LYN: variants seen among roughly 807,000 people sequenced by gnomAD.
LYN encodes tyrosine-protein kinase Lyn.
Under a neutral mutation model 65.0 loss-of-function variants are expected in LYN, and 12 were observed. The observed-to-expected ratio is 0.18, with a 90% CI of 0.12 to 0.30. The LOEUF is 0.30. LYN is among the 10% of genes least tolerant of loss of function. The pLI is 1.00. For missense variants in LYN, 380 were observed against 623.2 expected (o/e 0.61, Z 4.16); for synonymous variants, 222 against 221.2 (o/e 1.00, Z -0.03).
intron 1 of LYN, among the ~76,000 whole-genome samples, chr8:55,931,979 A>G (rs1372482008): frequency 6.6e-6 from 1 of 152,236 alleles, no homozygotes; most frequent in African/African-American, 2.4e-5. Context: ...AAGAAATTGT[A>G]AGTGACCAAA....
intron 1 of LYN, among the ~76,000 whole-genome samples, chr8:55,935,779 CA>C (rs59848254): frequency 0.077 from 7,270 of 93,822 alleles, 398 homozygotes; most frequent in African/African-American, 0.21. Flanking sequence ...AGACTCCATC[CA>C]AAAAAAAAAA....
chr8:55,984,590 G>A (rs1027630916), intron 10 of LYN, among the ~76,000 whole-genome samples: 4 of 152,196 alleles, frequency 2.6e-5, no homozygotes, highest in African/African-American at 9.7e-5. Context: ...CCTAAGTCCT[G>A]CACATGGTCA....
intron 2 of LYN, among the ~76,000 whole-genome samples, chr8:55,942,353 A>ATG (rs1168336552): frequency 7.2e-5 from 10 of 138,378 alleles, no homozygotes; most frequent in Non-Finnish European, 1.4e-4. Flanking sequence ...GTGTATATAT[A>ATG]TGTGTATATA....
Position 55,914,105 on chromosome 8 carries a change from T to C in LYN, c.-5-27750T>C, listed in dbSNP as rs561028987. ...GAGGTGGAGGGTTGTTGTTGGTGTG[T>C]GTGTGTGTGTGCACGTATGACAGAG... On this transcript the variant is annotated intron_variant, in intron 1 of 12. Transcript: ENST00000519728. Among the ~76,000 whole-genome samples, 13 of 152,060 alleles carry C rather than the reference T, an allele frequency of 8.5e-5. No homozygotes were observed. The East Asian group carries it at 2.5e-3, about 29-fold the overall frequency.
intron 3 of LYN, 74 bp from the exon 4 acceptor site, chr8:55,947,544 T>C: frequency 9.7e-7 from 1 of 1,033,422 alleles, no homozygotes; most frequent in Non-Finnish European, 1.5e-6. Context: ...CTCTCATCCT[T>C]TGTGCCCCAT....
At chr8:55,978,703 A>G (rs1807830405) in intron 10 of LYN, among the ~76,000 whole-genome samples, 1 of 152,172 alleles carries the variant, frequency 6.6e-6, no homozygotes, top group Non-Finnish European at 1.5e-5. Context: ...TGTAAGGAGG[A>G]GGTGGGGTTG....
rs1808071256 is a variant in LYN at position 55,986,267 on chromosome 8, GCAGC to G, written c.1051-12076_1051-12073del. ...TGGCATCCTAGTGACATTACAAATA[GCAGC>G]CATATCCCTTTACATTCCTGCCAGC... is the stretch of plus-strand genomic sequence containing the variant. On this transcript the variant is annotated intron_variant, in intron 10 of 12. Transcript: ENST00000519728. 2.0e-5 allele frequency among the ~76,000 whole-genome samples: 3 copies of G among 151,072 alleles called. No homozygotes were observed. The Admixed American group carries it at 2.0e-4, about 10-fold the overall frequency.
At chr8:55,911,609 CAT>C (rs1404415310) in intron 1 of LYN, among the ~76,000 whole-genome samples, 1 of 151,872 alleles carries the variant, frequency 6.6e-6, no homozygotes, top group African/African-American at 2.4e-5. Context: ...AGTATTTATA[CAT>C]ATGTGAAATT....
At chr8:55,959,304 T>C (rs929546080) in intron 8 of LYN, among the ~76,000 whole-genome samples, 19 of 152,374 alleles carry the variant, frequency 1.2e-4, no homozygotes, top group Admixed American at 2.6e-4. Flanking sequence ...GAAACGTATG[T>C]TCAAGTCCCT....
Position 55,969,810 on chromosome 8 carries a change from GC to G in LYN, c.1050+21del. 1 of 1,611,358 alleles carries G rather than the reference GC, an allele frequency of 6.2e-7. No homozygotes were observed. On this transcript the variant is annotated intron_variant, in intron 10 of 12. Coordinates refer to ENST00000519728, the MANE Select transcript of LYN (RefSeq NM_002350.4). ...TCTGCTCAGGTAACATATTCAAAAA[GC>G]CCCGTGTGCACGTGCATTTGCAAAG...
chr8:55,968,881 G>A (rs1807531799), intron 9 of LYN, among the ~76,000 whole-genome samples: 1 of 152,218 alleles, frequency 6.6e-6, no homozygotes, highest in Non-Finnish European at 1.5e-5. Context: ...GGGAAAAACA[G>A]GTCTTGCTTT....
intron 1 of LYN, among the ~76,000 whole-genome samples, chr8:55,916,166 T>A (rs1167569325): frequency 6.6e-6 from 1 of 152,112 alleles, no homozygotes; most frequent in Non-Finnish European, 1.5e-5. Context: ...TCAGAAAAAA[T>A]TTTTATTGAG....
At chr8:55,945,986 G>A (rs1348011064) in intron 2 of LYN, among the ~76,000 whole-genome samples, 1 of 152,204 alleles carries the variant, frequency 6.6e-6, no homozygotes, top group Admixed American at 6.5e-5. Context: ...GAAGACTCCA[G>A]CCTTCACTTG....
At position 55,944,089 on chromosome 8, in the gene LYN, A is replaced by G. The variant is rs112366578; in HGVS notation, c.132+2098A>G. The stretch of plus-strand genomic sequence containing the variant: ...GGGTTACAGAGCGAGAGTCTCCAAA[A>G]AAAAAGGAAGTGGAGATAAAGAGTG... On this transcript the variant is annotated intron_variant, in intron 2 of 12. Transcript: ENST00000519728. Among the ~76,000 whole-genome samples, 677 of 152,302 alleles carry G rather than the reference A, an allele frequency of 4.4e-3. 4 individuals are homozygous for G. The highest frequency in any genetic ancestry group is 0.015 in the African/African-American group (626 of 41,570).
At chr8:55,908,865 A>G (rs1585584659) in intron 1 of LYN, among the ~76,000 whole-genome samples, 1 of 151,716 alleles carries the variant, frequency 6.6e-6, no homozygotes, top group Admixed American at 6.6e-5. Flanking sequence ...AAATTGTTTT[A>G]CTTAAGATAA....
chr8:56,006,046 T>C (rs1808664932), intron 12 of LYN, among the ~76,000 whole-genome samples: 1 of 152,076 alleles, frequency 6.6e-6, no homozygotes, highest in Admixed American at 6.5e-5. Context: ...GATTGCGCCA[T>C]GTACTCCAGC....
intron 1 of LYN, among the ~76,000 whole-genome samples, chr8:55,906,124 C>T (rs1251524531): frequency 6.6e-6 from 1 of 152,198 alleles, no homozygotes; most frequent in Admixed American, 6.5e-5. Context: ...CCTGTAAACT[C>T]TGGGCAAATT....
At chr8:56,000,870 A>C (rs1046765926) in intron 12 of LYN, among the ~76,000 whole-genome samples, 3 of 152,180 alleles carry the variant, frequency 2.0e-5, no homozygotes, top group Admixed American at 2.0e-4. Flanking sequence ...CTCCTATTCA[A>C]AAAATATTTG....
chr8:55,926,541 T>C (rs72651479), intron 1 of LYN, among the ~76,000 whole-genome samples: 16,124 of 152,308 alleles, frequency 0.11, 1,191 homozygotes, highest in Middle Eastern at 0.28. Flanking sequence ...TTATCAGTTA[T>C]TTTCTGAACC....
Sources: allele counts gnomAD v4.1 joint callset (sites outside exome capture counted in the v4.1 genomes callset), GRCh38; gene constraint gnomAD v4.1.1; transcripts MANE v1.5; gene names NCBI Gene and HGNC (gene_info 2026-07-23, HGNC 2026-07-21).